Variants in LINGO2 observed in about 807,000 individuals in gnomAD.
The protein encoded by LINGO2 is leucine-rich repeat and immunoglobulin-like domain-containing nogo receptor-interacting protein 2.
In LINGO2, 14 loss-of-function variants were observed where a neutral mutation model predicts 30.6. The observed-to-expected ratio is 0.46, with a 90% CI of 0.30 to 0.72. The LOEUF (loss-of-function observed/expected upper bound fraction) is 0.72, where lower values mean the gene tolerates loss of function less well. LINGO2 is among the 30% of genes least tolerant of loss of function. The pLI is 0.07. For synonymous variants in LINGO2, 317 were observed against 288.5 expected (o/e 1.10, Z -1.00); for missense variants, 729 against 751.7 (o/e 0.97, Z 0.35).
chr9:28,349,077 T>C (rs1819731987), intron 3 of LINGO2, among the ~76,000 whole-genome samples: 1 of 151,928 alleles, frequency 6.6e-6, no homozygotes, highest in African/African-American at 2.4e-5. Flanking sequence ...CTGGAAACTC[T>C]AAAAAGCAGA....
At chr9:28,794,463 G>A in the LINGO2 span, among the ~76,000 whole-genome samples, 1 of 152,180 alleles carries the variant, frequency 6.6e-6, no homozygotes. Context: ...CAAGGATGAG[G>A]TTTCCTGAGT....
chr9:28,244,786 G>A (rs891423677), intron 4 of LINGO2, among the ~76,000 whole-genome samples: 2 of 147,782 alleles, frequency 1.4e-5, no homozygotes, highest in African/African-American at 5.0e-5. Flanking sequence ...CCAATAACAA[G>A]TCCTGAAATT....
At chr9:28,154,953 G>GA (rs1303146520) in intron 4 of LINGO2, among the ~76,000 whole-genome samples, 1 of 152,174 alleles carries the variant, frequency 6.6e-6, no homozygotes, top group Admixed American at 6.6e-5. Context: ...AGGCAGAAGT[G>GA]AAAATCATTG....
chr9:29,094,423 T>C, the LINGO2 span, among the ~76,000 whole-genome samples: 117 of 139,082 alleles, frequency 8.4e-4, 26 homozygotes, highest in Non-Finnish European at 1.2e-3. Context: ...AGTAGCAAAA[T>C]GTAATATTGG....
chr9:28,699,042 A>AAAAACAAAACAAAACAAAACAAAAC, the LINGO2 span, among the ~76,000 whole-genome samples: 4 of 149,992 alleles, frequency 2.7e-5, no homozygotes, highest in African/African-American at 9.9e-5. Flanking sequence ...ACCCTGCCTC[A>AAAAACAAAACAAAACAAAACAAAAC]AAAACAAAAC....
intron 5 of LINGO2, among the ~76,000 whole-genome samples, chr9:27,958,270 A>G (rs2118514349): frequency 6.6e-6 from 1 of 152,294 alleles, no homozygotes; most frequent in East Asian, 1.9e-4. Flanking sequence ...TGAAGATTAA[A>G]CCAACCTCAC....
At chr9:28,095,037 C>A (rs897174374) in intron 4 of LINGO2, among the ~76,000 whole-genome samples, 1 of 152,022 alleles carries the variant, frequency 6.6e-6, no homozygotes, top group East Asian at 1.9e-4. Flanking sequence ...ATTAGAATTC[C>A]ACAATTAAAA....
intron 4 of LINGO2, among the ~76,000 whole-genome samples, chr9:28,039,910 G>C (rs12379046): frequency 0.023 from 3,459 of 152,162 alleles, 131 homozygotes; most frequent in African/African-American, 0.078. Context: ...TATACTGGAG[G>C]ATCAGCTCCA....
the LINGO2 span, among the ~76,000 whole-genome samples, chr9:28,820,632 A>AT: frequency 6.6e-6 from 1 of 152,230 alleles, no homozygotes; most frequent in East Asian, 1.9e-4. Context: ...ACTGGCAAAC[A>AT]TAATTCACAA....
At chr9:29,072,239 A>G in the LINGO2 span, among the ~76,000 whole-genome samples, 1 of 152,126 alleles carries the variant, frequency 6.6e-6, no homozygotes, top group South Asian at 2.1e-4. Context: ...ATATATCTCC[A>G]TAAAGACTAA....
At chr9:28,117,224 G>A (rs555579107) in intron 4 of LINGO2, among the ~76,000 whole-genome samples, 2 of 151,998 alleles carry the variant, frequency 1.3e-5, no homozygotes, top group African/African-American at 4.8e-5. Context: ...AGGCTGCCCG[G>A]GGTTCAGGGG....
At chr9:28,285,595 CG>C (rs1462745522) in intron 4 of LINGO2, among the ~76,000 whole-genome samples, 16 of 151,724 alleles carry the variant, frequency 1.1e-4, no homozygotes, top group African/African-American at 3.9e-4. Context: ...TTAGTAGAGA[CG>C]GGGTTTCACC....
At chr9:28,827,415 T>C in the LINGO2 span, among the ~76,000 whole-genome samples, 1 of 152,196 alleles carries the variant, frequency 6.6e-6, no homozygotes, top group Non-Finnish European at 1.5e-5. Context: ...AAATAAGTAA[T>C]TATGAGTTAT....
chr9:28,105,633 G>A (rs1202818102), intron 4 of LINGO2, among the ~76,000 whole-genome samples: 1 of 152,058 alleles, frequency 6.6e-6, no homozygotes, highest in Non-Finnish European at 1.5e-5. Context: ...GGGGTCTGTG[G>A]GAGGTAATTA....
chr9:28,870,519 A>G, the LINGO2 span, among the ~76,000 whole-genome samples: 1 of 152,022 alleles, frequency 6.6e-6, no homozygotes, highest in South Asian at 2.1e-4. Flanking sequence ...CAATGTTCCT[A>G]CTGCTAGTAT....
At chr9:28,065,680 C>T (rs1419342004) in intron 4 of LINGO2, among the ~76,000 whole-genome samples, 4 of 152,020 alleles carry the variant, frequency 2.6e-5, no homozygotes, top group South Asian at 2.1e-4. Context: ...TTCAGGAATC[C>T]GGGGTCTGCA....
chr9:29,129,193 A>C, the LINGO2 span, among the ~76,000 whole-genome samples: 1 of 152,064 alleles, frequency 6.6e-6, no homozygotes, highest in African/African-American at 2.4e-5. Context: ...ATACCTATGT[A>C]TTTACTTTTG....
chr9:28,239,029 G>C (rs1001580441), intron 4 of LINGO2, among the ~76,000 whole-genome samples: 1 of 151,794 alleles, frequency 6.6e-6, no homozygotes, highest in African/African-American at 2.4e-5. Context: ...ACCAATAAAT[G>C]GGAAGATCTA....
chr9:28,900,542 G>T, the LINGO2 span, among the ~76,000 whole-genome samples: 1 of 152,130 alleles, frequency 6.6e-6, no homozygotes, highest in Non-Finnish European at 1.5e-5. Context: ...GGCCATCTCT[G>T]CATACCCGGG....
Sources: allele counts gnomAD v4.1 joint callset (sites outside exome capture counted in the v4.1 genomes callset), GRCh38; gene constraint gnomAD v4.1.1; transcripts MANE v1.5; gene names NCBI Gene and HGNC (gene_info 2026-07-23, HGNC 2026-07-21).